TRAPPC9: variants seen among roughly 807,000 people sequenced by gnomAD.
TRAPPC9 encodes the protein IKK2 binding protein.
Under a neutral mutation model 124.0 loss-of-function variants are expected in TRAPPC9, and 83 were observed. That is an observed-to-expected ratio of 0.67 (90% confidence interval 0.56 to 0.80). The LOEUF is 0.80. Among genes scored for constraint, TRAPPC9 ranks in the 30% least tolerant of loss-of-function variants. The pLI is 0.00. For synonymous variants in TRAPPC9, 638 were observed against 617.5 expected (o/e 1.03, Z -0.49); for missense variants, 1,302 against 1,508.3 (o/e 0.86, Z 2.27).
chr8:140,309,348 T>C (rs2066227765), intron 10 of TRAPPC9, among the ~76,000 whole-genome samples: 1 of 152,208 alleles, frequency 6.6e-6, no homozygotes, highest in African/African-American at 2.4e-5. Flanking sequence ...GAAAACGAAG[T>C]GTAAAGAGAC....
chr8:139,771,647 C>T (rs1271866342), intron 21 of TRAPPC9, among the ~76,000 whole-genome samples: 2 of 152,232 alleles, frequency 1.3e-5, no homozygotes, highest in South Asian at 2.1e-4. Context: ...AGGGGAGTGG[C>T]AGCAGACCCC....
At chr8:140,198,259 T>C (rs536135257) in intron 17 of TRAPPC9, among the ~76,000 whole-genome samples, 2 of 152,276 alleles carry the variant, frequency 1.3e-5, no homozygotes, top group Non-Finnish European at 2.9e-5. Flanking sequence ...AAAGCAGACC[T>C]CCTCCTTGCC....
rs375225943 is a variant in TRAPPC9 at position 140,125,205 on chromosome 8, G to A, written c.2556+96254C>T. Among the ~76,000 whole-genome samples the A allele has an allele frequency of 1.9e-4, 29 of 152,160 alleles. 1 individual carries two copies. Among genetic ancestry groups the A allele is most frequent in the African/African-American group, 4.3e-4 (18 of 41,436 alleles). On this transcript the variant is annotated intron_variant, in intron 17 of 22. Coordinates refer to ENST00000438773, the MANE Select transcript of TRAPPC9 (RefSeq NM_001160372.4). Reference sequence around the variant, plus strand: ...CACCCAGAGCTCGGGGGCGGGACACGGCCTCCCTAAGGGCCTCAAAGGTAA... The same window carrying A: ...CACCCAGAGCTCGGGGGCGGGACACAGCCTCCCTAAGGGCCTCAAAGGTAA...
At chr8:139,768,344 C>G (rs2130421228) in intron 21 of TRAPPC9, among the ~76,000 whole-genome samples, 1 of 152,298 alleles carries the variant, frequency 6.6e-6, no homozygotes, top group East Asian at 1.9e-4. Context: ...CAGCTGTGAC[C>G]CTAGCTCCTG....
At chr8:139,863,985 CT>C (rs757241350) in intron 21 of TRAPPC9, among the ~76,000 whole-genome samples, 44 of 152,186 alleles carry the variant, frequency 2.9e-4, no homozygotes, top group Non-Finnish European at 4.7e-4. Context: ...CATCAAGGTG[CT>C]GGGGACAGCA....
intron 9 of TRAPPC9, among the ~76,000 whole-genome samples, chr8:140,333,951 C>T (rs910765498): frequency 2.0e-5 from 3 of 152,198 alleles, no homozygotes; most frequent in African/African-American, 7.2e-5. Flanking sequence ...GGTCTTACTA[C>T]ATGCCAAGCA....
At chr8:140,369,512 G>A (rs2068217108) in intron 8 of TRAPPC9, among the ~76,000 whole-genome samples, 2 of 152,208 alleles carry the variant, frequency 1.3e-5, no homozygotes, top group African/African-American at 4.8e-5. Context: ...GTGAAAGTAA[G>A]GAGAAACATA....
chr8:140,402,413 G>T (rs4058248), intron 6 of TRAPPC9, among the ~76,000 whole-genome samples: 39,223 of 147,320 alleles, frequency 0.27, 6,341 homozygotes, highest in South Asian at 0.43. Flanking sequence ...AAAAAAAATG[G>T]GTGGGTGCAG....
intron 21 of TRAPPC9, among the ~76,000 whole-genome samples, chr8:139,865,602 T>C (rs541840355): frequency 7.0e-4 from 106 of 152,118 alleles, no homozygotes; most frequent in Admixed American, 1.1e-3. Flanking sequence ...AGGAAAGCTA[T>C]GGAGACACGG....
chr8:140,305,133 C>A (rs2066088346), intron 10 of TRAPPC9, among the ~76,000 whole-genome samples: 1 of 152,150 alleles, frequency 6.6e-6, no homozygotes, highest in Admixed American at 6.6e-5. Context: ...GAGAGGGGGG[C>A]TCTTGTAGTC....
chr8:140,379,447 G>A (rs2068541267), intron 7 of TRAPPC9, among the ~76,000 whole-genome samples: 1 of 152,116 alleles, frequency 6.6e-6, no homozygotes, highest in Non-Finnish European at 1.5e-5. Flanking sequence ...GTTTCTTCAG[G>A]TGGGCAAGTG....
At chr8:140,283,693 A>AGAAATCACATTCTGTTC (rs1300955825) in intron 14 of TRAPPC9, among the ~76,000 whole-genome samples, 196 bp downstream of exon 14, 2 of 152,226 alleles carry the variant, frequency 1.3e-5, no homozygotes, top group East Asian at 3.9e-4. Context: ...TGTTCTGATC[A>AGAAATCACATTCTGTTC]TGGTAAGAAA....
chr8:140,274,555 A>T (rs1401197721), intron 15 of TRAPPC9, among the ~76,000 whole-genome samples: 1 of 152,256 alleles, frequency 6.6e-6, no homozygotes, highest in Non-Finnish European at 1.5e-5. Flanking sequence ...TGGAAGAAAT[A>T]TGGGAATACA....
intron 9 of TRAPPC9, among the ~76,000 whole-genome samples, chr8:140,357,123 G>A (rs1359085683): frequency 1.3e-5 from 2 of 152,118 alleles, no homozygotes; most frequent in South Asian, 2.1e-4. Context: ...AACTAAATAC[G>A]TAACTGATGA....
At chr8:139,883,709 T>C (rs1829822953) in intron 21 of TRAPPC9, among the ~76,000 whole-genome samples, 1 of 152,228 alleles carries the variant, frequency 6.6e-6, no homozygotes, top group African/African-American at 2.4e-5. Flanking sequence ...CATCTGAAAT[T>C]CCCAAATTGC....
intron 21 of TRAPPC9, among the ~76,000 whole-genome samples, chr8:139,733,252 G>A (rs555381165): frequency 3.3e-5 from 5 of 152,256 alleles, no homozygotes; most frequent in African/African-American, 7.2e-5. Context: ...AGAGGATACG[G>A]GCAGGAGCCA....
intron 17 of TRAPPC9, among the ~76,000 whole-genome samples, chr8:140,156,008 C>A (rs2061622614): frequency 6.6e-6 from 1 of 152,104 alleles, no homozygotes; most frequent in South Asian, 2.1e-4. Flanking sequence ...AACTGGGGGG[C>A]CCGAGCTCCC....
intron 4 of TRAPPC9, among the ~76,000 whole-genome samples, chr8:140,433,199 C>T (rs58713024): frequency 0.026 from 3,915 of 150,376 alleles, 172 homozygotes; most frequent in African/African-American, 0.085. Flanking sequence ...GGCTGAGACA[C>T]AAGAATCACT....
intron 12 of TRAPPC9, among the ~76,000 whole-genome samples, chr8:140,289,604 G>T (rs2065590274): frequency 6.6e-6 from 1 of 151,682 alleles, no homozygotes; most frequent in African/African-American, 2.4e-5. Flanking sequence ...TTTTTATTTT[G>T]TTCCCTGCTC....
Sources: gnomAD v4.1 joint callset for allele counts (sites outside exome capture counted in the v4.1 genomes callset) on GRCh38, gnomAD v4.1.1 for gene constraint, MANE v1.5 for transcripts, NCBI Gene and HGNC (gene_info 2026-07-23, HGNC 2026-07-21) for gene names.